The following PTPN13 variants were observed in gnomAD, a reference collection of about 807,000 sequenced individuals.
PTPN13 encodes tyrosine-protein phosphatase non-receptor type 13.
A neutral mutation model predicts 284.0 loss-of-function variants in PTPN13; 191 were observed. The observed-to-expected ratio is 0.67, with a 90% CI of 0.60 to 0.76. PTPN13 has a LOEUF of 0.76. PTPN13 is among the 30% of genes least tolerant of loss of function. The pLI, the probability that PTPN13 is intolerant of heterozygous loss-of-function variation, is 0.00. For synonymous variants in PTPN13, 986 were observed against 1,022.3 expected, an observed-to-expected ratio of 0.96 and a Z score of 0.68; for missense variants, 2,797 against 2,939.9, an observed-to-expected ratio of 0.95 and a Z score of 1.12.
At chr4:86,739,974 A>T (rs569430358) in intron 15 of PTPN13, among the ~76,000 whole-genome samples, 1 of 152,346 alleles carries the variant, frequency 6.6e-6, no homozygotes, top group South Asian at 2.1e-4. Context: ...CATCCGGGTC[A>T]AGCTGATGCA....
At chr4:86,618,059 G>A (rs1578261491) in intron 1 of PTPN13, among the ~76,000 whole-genome samples, 1 of 152,036 alleles carries the variant, frequency 6.6e-6, no homozygotes, top group South Asian at 2.1e-4. Context: ...TATGGTTTTA[G>A]GTCTAACGTT....
chr4:86,693,071 T>TAAAAAAAA (rs34543988), intron 5 of PTPN13, among the ~76,000 whole-genome samples: 3,427 of 112,108 alleles, frequency 0.031, 52 homozygotes, highest in African/African-American at 0.035. Context: ...CCGTTATATT[T>TAAAAAAAA]AAAAAAAAAA....
At chr4:86,704,713 T>C (rs937854404) in intron 7 of PTPN13, among the ~76,000 whole-genome samples, 4 of 152,326 alleles carry the variant, frequency 2.6e-5, no homozygotes, top group Admixed American at 1.3e-4. Flanking sequence ...TTGTTCGATA[T>C]AGGACAATCT....
chr4:86,641,840 T>C (rs1468810717), intron 2 of PTPN13, among the ~76,000 whole-genome samples: 1 of 152,214 alleles, frequency 6.6e-6, no homozygotes, highest in East Asian at 1.9e-4. Flanking sequence ...AAATATTCTG[T>C]AGGCATTTGA....
At chr4:86,677,623 A>G (rs1578396850) in intron 3 of PTPN13, among the ~76,000 whole-genome samples, 1 of 149,186 alleles carries the variant, frequency 6.7e-6, no homozygotes, top group East Asian at 2.0e-4. Context: ...GGTAAATTTA[A>G]TCTTGTGTGG....
chr4:86,598,619 A>G (rs1032037104), intron 1 of PTPN13, among the ~76,000 whole-genome samples: 2 of 152,208 alleles, frequency 1.3e-5, no homozygotes, highest in Non-Finnish European at 2.9e-5. Flanking sequence ...TGGCTGGTGA[A>G]AAGGCCCTCT....
intron 17 of PTPN13, among the ~76,000 whole-genome samples, chr4:86,747,803 GC>G (rs1736949850): frequency 6.6e-6 from 1 of 152,308 alleles, no homozygotes; most frequent in East Asian, 1.9e-4. Context: ...GTAACTGTCT[GC>G]CTGTTTATTT....
intron 3 of PTPN13, among the ~76,000 whole-genome samples, chr4:86,678,099 T>C (rs1485156242): frequency 1.3e-5 from 2 of 152,212 alleles, no homozygotes; most frequent in Non-Finnish European, 2.9e-5. Flanking sequence ...GTTAAGCTAT[T>C]ATATCTTATA....
At chr4:86,724,198 T>C (rs1044308953) in intron 10 of PTPN13, among the ~76,000 whole-genome samples, 3 of 152,194 alleles carry the variant, frequency 2.0e-5, no homozygotes, top group African/African-American at 7.2e-5. Context: ...CAATAAAATA[T>C]AACTGAACAT....
intron 2 of PTPN13, among the ~76,000 whole-genome samples, chr4:86,660,358 A>G (rs984502462): frequency 1.3e-5 from 2 of 152,180 alleles, no homozygotes; most frequent in Non-Finnish European, 2.9e-5. Flanking sequence ...AAGCATAAGA[A>G]GAGAGCCAAA....
intron 10 of PTPN13, among the ~76,000 whole-genome samples, chr4:86,728,941 G>A (rs1407245065): frequency 6.7e-6 from 1 of 148,282 alleles, no homozygotes; most frequent in Admixed American, 6.8e-5. Context: ...TAGCATCGAT[G>A]GTCTTTACAA....
At chr4:86,620,167 T>C (rs571727483) in intron 1 of PTPN13, among the ~76,000 whole-genome samples, 1 of 152,330 alleles carries the variant, frequency 6.6e-6, no homozygotes, top group East Asian at 1.9e-4. Flanking sequence ...TTATTATTGT[T>C]AATTATTATT....
chr4:86,632,935 A>G (rs1340395054), intron 1 of PTPN13, among the ~76,000 whole-genome samples: 1 of 151,762 alleles, frequency 6.6e-6, no homozygotes, highest in Non-Finnish European at 1.5e-5. Context: ...CAGCCTCCTT[A>G]ATAGGTAGGA....
At chr4:86,746,514 G>T (rs1172159452) in intron 17 of PTPN13, among the ~76,000 whole-genome samples, 1 of 152,180 alleles carries the variant, frequency 6.6e-6, no homozygotes, top group Non-Finnish European at 1.5e-5. Flanking sequence ...GGTGGAGGTT[G>T]TATGCTGATT....
At chr4:86,669,097 C>A (rs72870699) in intron 2 of PTPN13, among the ~76,000 whole-genome samples, 193 of 151,580 alleles carry the variant, frequency 1.3e-3, no homozygotes, top group African/African-American at 4.5e-3. Context: ...TCAAGTCTTA[C>A]CTATTAAAGG....
At chr4:86,661,219 C>A in intron 2 of PTPN13, 1 of 336,122 alleles carries the variant, frequency 3.0e-6, no homozygotes, top group South Asian at 2.3e-5. Flanking sequence ...TTTTGGACAT[C>A]ATAAAAATAG....
At chr4:86,633,699 G>A (rs1030258196) in intron 1 of PTPN13, among the ~76,000 whole-genome samples, 6 of 152,162 alleles carry the variant, frequency 3.9e-5, no homozygotes, top group Non-Finnish European at 5.9e-5. Context: ...GTATCTGATT[G>A]CTAATATTAT....
intron 15 of PTPN13, among the ~76,000 whole-genome samples, chr4:86,739,483 A>G (rs192465536): frequency 6.6e-5 from 10 of 152,248 alleles, no homozygotes; most frequent in African/African-American, 2.4e-4. Context: ...ATCTCGTGAG[A>G]CTTACTCACT....
chr4:86,650,804 T>C (rs1724996220), intron 2 of PTPN13, among the ~76,000 whole-genome samples: 1 of 152,262 alleles, frequency 6.6e-6, no homozygotes, highest in African/African-American at 2.4e-5. Flanking sequence ...GTTTATCGGT[T>C]CCAAAGGTTT....
Sources: gnomAD v4.1 joint callset for allele counts (sites outside exome capture counted in the v4.1 genomes callset) on GRCh38, gnomAD v4.1.1 for gene constraint, MANE v1.5 for transcripts, NCBI Gene and HGNC (gene_info 2026-07-23, HGNC 2026-07-21) for gene names.